Variants in CNTN4 observed in about 807,000 individuals in gnomAD.
CNTN4 encodes contactin 4.
In CNTN4, 77 loss-of-function variants were observed where a neutral mutation model predicts 122.5. The observed-to-expected ratio is 0.63, with a 90% confidence interval of 0.52 to 0.76. CNTN4 has a LOEUF of 0.76. Among genes scored for constraint, CNTN4 ranks in the 30% least tolerant of loss-of-function variants. CNTN4 has a pLI of 0.00. For missense variants in CNTN4, 1,256 were observed against 1,259.1 expected (o/e 1.00, Z 0.04); for synonymous variants, 512 against 447.0 (o/e 1.15, Z -1.83).
intron 4 of CNTN4, among the ~76,000 whole-genome samples, chr3:2,579,783 G>A (rs1028882561): frequency 6.6e-6 from 1 of 152,106 alleles, no homozygotes; most frequent in Non-Finnish European, 1.5e-5. Flanking sequence ...ATATGTTAAT[G>A]TTTATGTTAA....
At chr3:2,815,888 A>G (rs933801936) in intron 6 of CNTN4, among the ~76,000 whole-genome samples, 6 of 150,546 alleles carry the variant, frequency 4.0e-5, no homozygotes, top group Non-Finnish European at 8.8e-5. Flanking sequence ...ATATATATAT[A>G]TATGATGGAA....
At chr3:2,426,412 A>C (rs1306232226) in intron 3 of CNTN4, among the ~76,000 whole-genome samples, 1 of 152,190 alleles carries the variant, frequency 6.6e-6, no homozygotes, top group African/African-American at 2.4e-5. Context: ...CATCCCAGGG[A>C]TGAAACCCAC....
intron 3 of CNTN4, among the ~76,000 whole-genome samples, chr3:2,429,071 T>C (rs549908862): frequency 6.6e-6 from 1 of 152,344 alleles, no homozygotes; most frequent in African/African-American, 2.4e-5. Flanking sequence ...TGAAGCCTTC[T>C]TCTCTCAACT....
At chr3:2,355,882 C>T (rs983353912) in intron 3 of CNTN4, among the ~76,000 whole-genome samples, 3 of 152,228 alleles carry the variant, frequency 2.0e-5, no homozygotes, top group African/African-American at 7.2e-5. Flanking sequence ...GCCATCAATG[C>T]TCAATTGTAA....
chr3:2,387,148 A>G (rs1287086234), intron 3 of CNTN4, among the ~76,000 whole-genome samples: 2 of 152,226 alleles, frequency 1.3e-5, no homozygotes, highest in Admixed American at 1.3e-4. Context: ...CTTATCTGAT[A>G]GTAAATATAC....
intron 12 of CNTN4, among the ~76,000 whole-genome samples, chr3:2,921,035 G>A (rs951851988): frequency 3.3e-5 from 5 of 152,132 alleles, no homozygotes; most frequent in Non-Finnish European, 7.3e-5. Context: ...TTCATAATAA[G>A]AGAGCACTGA....
At chr3:2,874,443 T>C (rs1034084122) in intron 8 of CNTN4, among the ~76,000 whole-genome samples, 2 of 152,196 alleles carry the variant, frequency 1.3e-5, no homozygotes, top group African/African-American at 4.8e-5. Flanking sequence ...TAGCCTAGAA[T>C]TGAGTTGACT....
At chr3:3,054,303 AT>A (rs34047966) in intron 24 of CNTN4, among the ~76,000 whole-genome samples, 122,766 of 152,150 alleles carry the variant, frequency 0.81, 50,221 homozygotes, top group Non-Finnish European at 0.88. Flanking sequence ...AGTGAAAAGC[AT>A]TGACTCAGTC....
At chr3:2,248,853 T>G (rs969340212) in intron 2 of CNTN4, among the ~76,000 whole-genome samples, 3 of 151,958 alleles carry the variant, frequency 2.0e-5, no homozygotes, top group Non-Finnish European at 4.4e-5. Flanking sequence ...GTAATGAAAT[T>G]CAGCTGAATT....
chr3:2,401,551 A>G (rs949880750), intron 3 of CNTN4, among the ~76,000 whole-genome samples: 2 of 152,124 alleles, frequency 1.3e-5, no homozygotes, highest in African/African-American at 4.8e-5. Flanking sequence ...CTGTAAAATA[A>G]TCATAGGTTT....
In CNTN4 at chr3:2,972,606, A is replaced by G. The variant is rs114414224; in HGVS notation, c.1359-15739A>G. Among the ~76,000 whole-genome samples, 552 of 152,312 alleles carry G rather than the reference A, an allele frequency of 3.6e-3. 6 individuals carry two copies. The highest frequency in any genetic ancestry group is 0.012 in the African/African-American group (493 of 41,580). ...TCGAGGTTATCAGTGTTTTCAGAAC[A>G]CTATCTTCCTTTCATAGTTCTTTTG... On this transcript the variant is annotated intron_variant, in intron 13 of 24. Transcript: ENST00000418658.
chr3:2,631,865 C>CAAAAAAAAAA lies in CNTN4; in HGVS notation c.55+60311_55+60320dup, dbSNP rs1157671569. ...GCAACATAGGGAGACCGTATCTCTA[C>CAAAAAAAAAA]AAAAAAAAAAAAACAAAAAAAAACA... is the stretch of plus-strand genomic sequence containing the variant. On this transcript the variant is annotated intron_variant, in intron 4 of 24. Coordinates refer to ENST00000418658, the MANE Select transcript of CNTN4 (RefSeq NM_175607.3). Among the ~76,000 whole-genome samples, 272 of 69,834 alleles carry CAAAAAAAAAA rather than the reference C, an allele frequency of 3.9e-3. 1 individual carries two copies. The highest frequency in any genetic ancestry group is 6.6e-3 in the South Asian group (13 of 1,964). The allele number at this position is 69,834 out of a possible 152,430, so 45.8% of individuals were successfully genotyped here.
At chr3:2,470,853 C>A (rs2075661103) in intron 3 of CNTN4, among the ~76,000 whole-genome samples, 1 of 152,162 alleles carries the variant, frequency 6.6e-6, no homozygotes, top group African/African-American at 2.4e-5. Context: ...AATCAATAGA[C>A]AACTATGTTT....
At chr3:2,644,581 A>G (rs1402068326) in intron 4 of CNTN4, among the ~76,000 whole-genome samples, 1 of 151,128 alleles carries the variant, frequency 6.6e-6, no homozygotes. Flanking sequence ...TCTGCAAAAT[A>G]CCTCTATCTA....
chr3:2,854,430 G>A (rs1301414289), intron 7 of CNTN4, among the ~76,000 whole-genome samples: 9 of 71,334 alleles, frequency 1.3e-4, no homozygotes, highest in African/African-American at 2.0e-4. Context: ...CTGCCACCAC[G>A]CCTGGCTAAT....
chr3:2,203,835 G>A (rs1251273303), intron 2 of CNTN4, among the ~76,000 whole-genome samples: 1 of 152,044 alleles, frequency 6.6e-6, no homozygotes, highest in Non-Finnish European at 1.5e-5. Flanking sequence ...CACTCCTTTT[G>A]GTAGAAGCCA....
At chr3:2,469,056 A>G (rs2075600295) in intron 3 of CNTN4, among the ~76,000 whole-genome samples, 1 of 152,170 alleles carries the variant, frequency 6.6e-6, no homozygotes, top group Non-Finnish European at 1.5e-5. Context: ...ATTGCTACTT[A>G]GATGAGAAGT....
At chr3:2,644,177 G>A (rs1441619206) in intron 4 of CNTN4, among the ~76,000 whole-genome samples, 1 of 152,162 alleles carries the variant, frequency 6.6e-6, no homozygotes, top group Admixed American at 6.5e-5. Flanking sequence ...GGCAGATAAG[G>A]AAGCCCCTAC....
At chr3:2,747,229 G>GA (rs1253424024) in intron 6 of CNTN4, among the ~76,000 whole-genome samples, 1 of 151,902 alleles carries the variant, frequency 6.6e-6, no homozygotes, top group African/African-American at 2.4e-5. Context: ...CTAACACGAT[G>GA]AAACCGCGTC....
Sources: gnomAD v4.1 joint callset for allele counts (sites outside exome capture counted in the v4.1 genomes callset) on GRCh38, gnomAD v4.1.1 for gene constraint, MANE v1.5 for transcripts, NCBI Gene and HGNC (gene_info 2026-07-23, HGNC 2026-07-21) for gene names.